Variants in ABLIM2 observed in about 807,000 individuals in gnomAD.
ABLIM2 encodes actin binding LIM protein family member 2.
ABLIM2 carries 53 observed loss-of-function variants against 97.7 expected under a neutral mutation model. That is an observed-to-expected ratio of 0.54 (90% confidence interval 0.44 to 0.68). ABLIM2 has a LOEUF of 0.68. Among genes scored for constraint, ABLIM2 ranks in the 30% least tolerant of loss-of-function variants. The pLI is 0.00. For missense variants in ABLIM2, 835 were observed against 867.2 expected, an observed-to-expected ratio of 0.96 and a Z score of 0.47; for synonymous variants, 361 against 345.8, an observed-to-expected ratio of 1.04 and a Z score of -0.49.
intron 4 of ABLIM2, among the ~76,000 whole-genome samples, chr4:8,086,773 T>C (rs1224309138): frequency 6.6e-6 from 1 of 152,094 alleles, no homozygotes; most frequent in African/African-American, 2.4e-5. Flanking sequence ...GTACTACTGT[T>C]TGTGAAGCCA....
intron 1 of ABLIM2, among the ~76,000 whole-genome samples, chr4:8,109,713 G>A (rs901143595): frequency 1.3e-5 from 2 of 152,190 alleles, no homozygotes; most frequent in Admixed American, 6.5e-5. Context: ...CAGCTGTCTG[G>A]GGATGAGGGA....
intron 14 of ABLIM2, among the ~76,000 whole-genome samples, chr4:8,016,182 T>A (rs1341984006): frequency 6.6e-6 from 1 of 151,880 alleles, no homozygotes; most frequent in African/African-American, 2.4e-5. Flanking sequence ...TAGCTGGGAT[T>A]ACAGGCATGC....
rs1178961239 is a variant in ABLIM2 at position 8,148,919 on chromosome 4, G to A, written c.10+9761C>T. The stretch of plus-strand genomic sequence containing the variant: ...GCAGGCACCCGGGAGATCAGGCCAC[G>A]CCAGGACCCGGGATCTGGAGGCACC... On this transcript the variant is annotated intron_variant, in intron 1 of 20. Transcript: ENST00000447017. This position sits in a 1 kb window ranked among gnomAD's most constrained non-coding sequence, Gnocchi z 6.7. Among the ~76,000 whole-genome samples the A allele has an allele frequency of 1.3e-5, 2 of 152,190 alleles. No homozygotes were observed. Among genetic ancestry groups the A allele is most frequent in the Non-Finnish European group, 2.9e-5 (2 of 68,026 alleles).
rs1036803083 is a variant in ABLIM2, at chr4:8,054,816, C to T, written c.764-570G>A. Among the ~76,000 whole-genome samples, 12 of 151,992 alleles carry T rather than the reference C, an allele frequency of 7.9e-5. No homozygotes were observed. Among genetic ancestry groups the T allele is most frequent in the South Asian group, 4.2e-4 (2 of 4,816 alleles). ...GTATGGGGTGAAGAACAGGTGTGTT[C>T]GGTGGGAGCTGGGCACAAGGCTCAA... On this transcript the variant is annotated intron_variant, in intron 7 of 20. Coordinates refer to ENST00000447017, the MANE Select transcript of ABLIM2 (RefSeq NM_001130083.2). This position sits in a 1 kb window ranked among gnomAD's most constrained non-coding sequence, Gnocchi z 4.9.
rs1295959192 is a variant in ABLIM2, at chr4:8,001,274, G to T, written c.1618+6785C>A. On this transcript the variant is annotated intron_variant, in intron 16 of 20. Transcript: ENST00000447017. The surrounding 1 kb of genome is among the most constrained non-coding windows in gnomAD (Gnocchi z 4.2). The stretch of plus-strand genomic sequence containing the variant: ...GGGCTGTGGCTATGAGACAACATGA[G>T]CTCTCAGAGGGACACGGGGTGCCAC... Among the ~76,000 whole-genome samples, 2 of 152,186 alleles carry T rather than the reference G, an allele frequency of 1.3e-5. No individual in the cohort carries two copies. Among genetic ancestry groups the T allele is most frequent in the African/African-American group, 2.4e-5 (1 of 41,462 alleles).
Position 8,008,059 on chromosome 4 carries a change from G to T in ABLIM2, c.1618C>A (p.Arg540=), listed in dbSNP as rs1286993643. 4 of 1,613,820 alleles carry T rather than the reference G, an allele frequency of 2.5e-6. No homozygotes were observed. Among genetic ancestry groups the T allele is most frequent in the African/African-American group, 1.3e-5 (1 of 74,948 alleles). The change falls in exon 16 of 21, where the codon CGA becomes AGA. Residue 540 remains arginine, a splice_region_variant and synonymous_variant. Transcript: ENST00000447017. ...CTCCTTCTTCAAAAGAACCACTCAC[G>T]TGAGTGAAAGCTGTCCCCTGCCATC... is the stretch of plus-strand genomic sequence containing the variant. The part of the protein sequence containing the change: ...QRMAGDSFHS[R]FPYSKSDPLP...
intron 20 of ABLIM2, among the ~76,000 whole-genome samples, chr4:7,973,075 CTGTGTGTGTGTGTG>C (rs71175444): frequency 5.6e-5 from 7 of 124,066 alleles, no homozygotes; most frequent in East Asian, 4.5e-4. Flanking sequence ...GCTCCCCTTG[CTGTGTGTGTGTGTG>C]TGTGTGTGTG....
At chr4:8,041,179 G>C (rs1052492273) in intron 9 of ABLIM2, among the ~76,000 whole-genome samples, 1 of 152,244 alleles carries the variant, frequency 6.6e-6, no homozygotes, top group Admixed American at 6.5e-5. Flanking sequence ...CACTGGTGCA[G>C]AAATTCTTTG....
In ABLIM2 at chr4:7,986,069, C is replaced by T. The variant is rs1474435421; in HGVS notation, c.1681-1176G>A. ...AGCCTGTTGAAGAAAATGTCTTATT[C>T]ACGCTTCGTTCCCCAGCACCTGGAA... On this transcript the variant is annotated intron_variant, in intron 17 of 20. Transcript: ENST00000447017. The surrounding 1 kb of genome is among the most constrained non-coding windows in gnomAD (Gnocchi z 4.3). 6.6e-6 allele frequency among the ~76,000 whole-genome samples: 1 copy of T among 152,204 alleles called. No homozygotes were observed. Among genetic ancestry groups the T allele is most frequent in the Non-Finnish European group, 1.5e-5 (1 of 68,042 alleles).
intron 12 of ABLIM2, among the ~76,000 whole-genome samples, chr4:8,024,443 C>T (rs1412932862): frequency 2.6e-5 from 4 of 152,138 alleles, no homozygotes; most frequent in African/African-American, 9.7e-5. Context: ...CTCGGGCAGC[C>T]GCCCCCGTAC....
intron 8 of ABLIM2, among the ~76,000 whole-genome samples, chr4:8,045,482 C>T (rs1020697164): frequency 6.6e-6 from 1 of 152,204 alleles, no homozygotes; most frequent in Non-Finnish European, 1.5e-5. Flanking sequence ...AACCCTGTCT[C>T]TACTAAAAAT....
chr4:8,049,930 G>C (rs996480591), intron 8 of ABLIM2, among the ~76,000 whole-genome samples: 5 of 152,124 alleles, frequency 3.3e-5, no homozygotes, highest in African/African-American at 1.2e-4. Flanking sequence ...GTTTCACCAT[G>C]TTGGCCAGGC....
rs930181670 is a variant in ABLIM2 at position 8,003,381 on chromosome 4, TGGGTGTGTGGATACTGGA to T, written c.1618+4660_1618+4677del. Reference sequence around the variant, plus strand: ...GCTGTACTGAGAGTGAGAAACAGAATGGGTGTGTGGATACTGGAGGGTGTGTGGGTACTGAGGTTCGCT... The same window carrying T: ...GCTGTACTGAGAGTGAGAAACAGAATGGGTGTGTGGGTACTGAGGTTCGCT... On this transcript the variant is annotated intron_variant, in intron 16 of 20. Transcript: ENST00000447017. The surrounding 1 kb of genome is among the most constrained non-coding windows in gnomAD (Gnocchi z 4.2). Among the ~76,000 whole-genome samples the T allele has an allele frequency of 6.6e-6, 1 of 151,986 alleles. No individual in the cohort carries two copies. The highest frequency in any genetic ancestry group is 2.4e-5 in the African/African-American group (1 of 41,370).
chr4:8,113,717 C>T lies in ABLIM2; in HGVS notation c.11-7080G>A, dbSNP rs1841439417. Among the ~76,000 whole-genome samples the T allele has an allele frequency of 6.6e-6, 1 of 152,228 alleles. No homozygotes were observed. The highest frequency in any genetic ancestry group is 6.5e-5 in the Admixed American group (1 of 15,286). On this transcript the variant is annotated intron_variant, in intron 1 of 20. Coordinates refer to ENST00000447017, the MANE Select transcript of ABLIM2 (RefSeq NM_001130083.2). The surrounding 1 kb of genome is among the most constrained non-coding windows in gnomAD (Gnocchi z 4.5). ...CTCCCCGTCTGCTGTTTGTATCATC[C>T]AAACGGCTGGCTTGGGGTTTCCAAA... is the stretch of plus-strand genomic sequence containing the variant.
chr4:8,020,365 T>G, intron 12 of ABLIM2, 62 bp from the exon 13 acceptor site: 2 of 1,441,932 alleles, frequency 1.4e-6, no homozygotes, highest in South Asian at 2.4e-5. Flanking sequence ...AGTAGAATAT[T>G]TCAAGCATGA....
rs1393413800 is a variant in ABLIM2, at chr4:8,082,051, G to A, written c.455-1249C>T. ...AGTGTGTGTCTGCGTGTGTTTAAGG[G>A]TGTGGTTGTGTGTTGGGGGCATGAC... On this transcript the variant is annotated intron_variant, in intron 4 of 20. Transcript: ENST00000447017. This position sits in a 1 kb window ranked among gnomAD's most constrained non-coding sequence, Gnocchi z 5.6. Among the ~76,000 whole-genome samples, 1 of 152,192 alleles carries A rather than the reference G, an allele frequency of 6.6e-6. No homozygotes were observed. The highest frequency in any genetic ancestry group is 1.5e-5 in the Non-Finnish European group (1 of 68,040).
chr4:8,136,310 C>T (rs558976600), intron 1 of ABLIM2, among the ~76,000 whole-genome samples: 4 of 152,206 alleles, frequency 2.6e-5, no homozygotes, highest in African/African-American at 9.6e-5. Flanking sequence ...AAGGGGGACA[C>T]GGCTTCTGTT....
intron 6 of ABLIM2, among the ~76,000 whole-genome samples, chr4:8,074,385 G>A (rs912534718): frequency 1.3e-5 from 2 of 152,154 alleles, no homozygotes; most frequent in Non-Finnish European, 2.9e-5. Flanking sequence ...TCAAGAGGTC[G>A]AGGCTACAGG....
rs769808645 is a variant in ABLIM2, at chr4:8,020,404, T to C, written c.1268-101A>G. On this transcript the variant is annotated intron_variant, in intron 12 of 20. Transcript: ENST00000447017. ...GCTTATTTGCAGCGAGCCCCATCTCTCCTGTCTGGTGGAGCAGCCCAGATC... is the reference window on the plus strand; with the variant it reads ...GCTTATTTGCAGCGAGCCCCATCTCCCCTGTCTGGTGGAGCAGCCCAGATC... 5 of 1,064,204 alleles carry C rather than the reference T, an allele frequency of 4.7e-6. No homozygotes were observed. In the Admixed American group the frequency reaches 9.9e-5, roughly 21 times the overall value. 65.9% of individuals were successfully genotyped at this position (1,064,204 alleles called of 1,614,324 possible).
Sources: gnomAD v4.1 joint callset for allele counts (sites outside exome capture counted in the v4.1 genomes callset) on GRCh38, gnomAD v4.1.1 for gene constraint, Gnocchi (gnomAD v3.1) non-coding constraint, MANE v1.5 for transcripts, NCBI Gene and HGNC (gene_info 2026-07-23, HGNC 2026-07-21) for gene names.